The following NSMAF variants were observed in gnomAD, a reference collection of about 807,000 sequenced individuals.
NSMAF encodes the protein protein FAN.
NSMAF carries 90 observed loss-of-function variants against 134.9 expected under a neutral mutation model. That is an observed-to-expected ratio of 0.67 (90% confidence interval 0.56 to 0.79). The LOEUF (loss-of-function observed/expected upper bound fraction) is 0.79, where lower values mean the gene tolerates loss of function less well. Among genes scored for constraint, NSMAF ranks in the 30% least tolerant of loss-of-function variants. The pLI, the probability that NSMAF is intolerant of heterozygous loss-of-function variation, is 0.00. For synonymous variants in NSMAF, 358 were observed against 389.6 expected, an observed-to-expected ratio of 0.92 and a Z score of 0.96; for missense variants, 1,010 against 1,119.0, an observed-to-expected ratio of 0.90 and a Z score of 1.39.
chr8:58,622,239 A>C (rs755649927), intron 9 of NSMAF, among the ~76,000 whole-genome samples: 1 of 152,008 alleles, frequency 6.6e-6, no homozygotes, highest in Non-Finnish European at 1.5e-5. Flanking sequence ...GACATTTTAA[A>C]ATTTATTATT....
In NSMAF at chr8:58,601,491, A is replaced by ACTCC. The variant is rs1468109532; in HGVS notation, c.1166_1169dup (p.Ser390ArgfsTer16). ...GTACATAACCCGGGGAAGAGTAGTG[A>ACTCC]CTCCCATACATGAACTTTGGTTCAG... On this transcript the variant is annotated frameshift_variant, in exon 15 of 31. Coordinates refer to ENST00000038176, the MANE Select transcript of NSMAF (RefSeq NM_003580.4). LOFTEE classifies it high-confidence loss of function. The ACTCC allele has an allele frequency of 1.1e-5, 17 of 1,611,058 alleles. No homozygotes were observed. Among genetic ancestry groups the ACTCC allele is most frequent in the Non-Finnish European group, 1.4e-5 (17 of 1,179,258 alleles).
At chr8:58,648,326 G>A (rs753523130) in intron 1 of NSMAF, among the ~76,000 whole-genome samples, 9 of 152,156 alleles carry the variant, frequency 5.9e-5, no homozygotes, top group Non-Finnish European at 1.3e-4. Flanking sequence ...ACTTAAAGTT[G>A]GAACTTACAC....
chr8:58,619,829 C>T (rs1394917656), intron 9 of NSMAF, among the ~76,000 whole-genome samples: 1 of 152,044 alleles, frequency 6.6e-6, no homozygotes, highest in Non-Finnish European at 1.5e-5. Flanking sequence ...ATCAAAATCC[C>T]AGCACAATTG....
intron 1 of NSMAF, among the ~76,000 whole-genome samples, chr8:58,655,238 C>A (rs1230636731): frequency 2.0e-5 from 3 of 152,126 alleles, no homozygotes; most frequent in African/African-American, 7.2e-5. Flanking sequence ...TCCCAAAGGG[C>A]TGGGATTACA....
chr8:58,653,093 C>G (rs16923635), intron 1 of NSMAF, among the ~76,000 whole-genome samples: 9,425 of 152,138 alleles, frequency 0.062, 896 homozygotes, highest in African/African-American at 0.2. Context: ...GGGGGCACAG[C>G]AGTTAAGTGT....
chr8:58,604,668 T>C (rs528738646), intron 12 of NSMAF, among the ~76,000 whole-genome samples: 11 of 152,112 alleles, frequency 7.2e-5, no homozygotes, highest in Non-Finnish European at 1.5e-4. Context: ...TTACTACAAA[T>C]TTCACAAATA....
At chr8:58,607,046 A>G (rs568135503) in intron 11 of NSMAF, among the ~76,000 whole-genome samples, 4 of 152,358 alleles carry the variant, frequency 2.6e-5, no homozygotes, top group Admixed American at 2.0e-4. Context: ...AATAGGAAGC[A>G]AAACAGTAGA....
intron 1 of NSMAF, among the ~76,000 whole-genome samples, chr8:58,658,876 T>G (rs1267105698): frequency 1.3e-5 from 2 of 152,176 alleles, no homozygotes; most frequent in African/African-American, 2.4e-5. Flanking sequence ...GAATGAGTGC[T>G]CCGCTGCCGC....
rs376981815 is a variant in NSMAF at position 58,652,136 on chromosome 8, G to A, written c.59+7437C>T. Among the ~76,000 whole-genome samples, 115 of 152,084 alleles carry A rather than the reference G, an allele frequency of 7.6e-4. 8 individuals carry two copies. In the South Asian group the frequency reaches 0.022, roughly 29 times the overall value. ...AAATTTTCCAAAACTTTTAGCTTTAGGAAGCTCAAGCAGGATAGATGAAGA... is the reference window on the plus strand; with the variant it reads ...AAATTTTCCAAAACTTTTAGCTTTAAGAAGCTCAAGCAGGATAGATGAAGA... On this transcript the variant is annotated intron_variant, in intron 1 of 30. Transcript: ENST00000038176.
intron 20 of NSMAF, 123 bp from the exon 21 acceptor site, chr8:58,597,673 C>T: frequency 9.8e-7 from 1 of 1,020,306 alleles, no homozygotes; most frequent in Non-Finnish European, 1.5e-6. Context: ...CAACTATGTA[C>T]CAGGATTGTC....
At position 58,629,872 on chromosome 8, in the gene NSMAF, T is replaced by C. The variant is rs553839359; in HGVS notation, c.384+1624A>G. Among the ~76,000 whole-genome samples the C allele has an allele frequency of 3.9e-5, 6 of 152,262 alleles. No individual in the cohort carries two copies. The South Asian group carries it at 1.2e-3, about 32-fold the overall frequency. ...GTCTAGATGTCTGCTGTACCACAGGTCCTTTGAAGCAGTAGCGTGCTACCC... is the reference window on the plus strand; with the variant it reads ...GTCTAGATGTCTGCTGTACCACAGGCCCTTTGAAGCAGTAGCGTGCTACCC... On this transcript the variant is annotated intron_variant, in intron 6 of 30. Coordinates refer to ENST00000038176, the MANE Select transcript of NSMAF (RefSeq NM_003580.4).
At chr8:58,611,095 T>TA (rs1171585659) in intron 9 of NSMAF, among the ~76,000 whole-genome samples, 2 of 151,994 alleles carry the variant, frequency 1.3e-5, no homozygotes, top group Admixed American at 6.6e-5. Flanking sequence ...AACTGCTCAA[T>TA]AAAAAAATTA....
rs1159852228 is a variant in NSMAF, at chr8:58,594,242, T to C, written c.1941A>G (p.Thr647=). ...TVSRNGSSVF[T]TSQDSTLKMF... is the part of the protein sequence containing the mutation. Reference sequence around the variant, plus strand: ...GGGAGGAACACTGACCTTGGGATGTTGTGAATACTGAAGATCCATTGCGAG... The same window carrying C: ...GGGAGGAACACTGACCTTGGGATGTCGTGAATACTGAAGATCCATTGCGAG... Residue 647 remains threonine, a synonymous_variant, in exon 23 of 31, where the codon ACA becomes ACG. Coordinates refer to ENST00000038176, the MANE Select transcript of NSMAF (RefSeq NM_003580.4). 1 of 1,614,048 alleles carries C rather than the reference T, an allele frequency of 6.2e-7. No individual in the cohort carries two copies. The highest frequency in any genetic ancestry group is 8.5e-7 in the Non-Finnish European group (1 of 1,180,006).
chr8:58,610,834 A>G (rs1183828204), intron 9 of NSMAF, among the ~76,000 whole-genome samples: 1 of 152,200 alleles, frequency 6.6e-6, no homozygotes, highest in East Asian at 1.9e-4. Context: ...GCACAAAGAT[A>G]TCTCTAGAAT....
chr8:58,607,188 T>A (rs1249325040), intron 11 of NSMAF, among the ~76,000 whole-genome samples: 1 of 152,232 alleles, frequency 6.6e-6, no homozygotes, highest in Non-Finnish European at 1.5e-5. Flanking sequence ...ACACTTGGAA[T>A]CATACCTTCT....
chr8:58,585,597 G>T, intron 30 of NSMAF, 55 bp downstream of exon 30: 1 of 1,284,124 alleles, frequency 7.8e-7, no homozygotes, highest in Non-Finnish European at 1.1e-6. Context: ...GAAAAGGCAG[G>T]CTTGAGTTCA....
rs142243518 is a variant in NSMAF, at chr8:58,651,537, C to A, written c.59+8036G>T. ...CACTGACACCATCCATAAAGCCAGT[C>A]AATTCTATTTTCAAGTCCCAGCAAT... is the stretch of plus-strand genomic sequence containing the variant. On this transcript the variant is annotated intron_variant, in intron 1 of 30. Coordinates refer to ENST00000038176, the MANE Select transcript of NSMAF (RefSeq NM_003580.4). Among the ~76,000 whole-genome samples, 850 of 152,292 alleles carry A rather than the reference C, an allele frequency of 5.6e-3. 7 individuals are homozygous for A. Among genetic ancestry groups the A allele is most frequent in the African/African-American group, 0.019 (794 of 41,562 alleles).
intron 2 of NSMAF, 75 bp downstream of exon 2, chr8:58,642,909 G>T: frequency 9.2e-7 from 1 of 1,085,692 alleles, no homozygotes; most frequent in Non-Finnish European, 1.4e-6. Flanking sequence ...ACACCTATAT[G>T]ATCACACATT....
intron 13 of NSMAF, 101 bp from the exon 14 acceptor site, chr8:58,602,238 A>T: frequency 2.4e-6 from 2 of 830,342 alleles, no homozygotes; most frequent in Non-Finnish European, 3.8e-6. Context: ...AAGTTTTTTT[A>T]AAAATTGAGA....
Sources: gnomAD v4.1 joint callset for allele counts (sites outside exome capture counted in the v4.1 genomes callset) on GRCh38, gnomAD v4.1.1 for gene constraint, MANE v1.5 for transcripts, NCBI Gene and HGNC (gene_info 2026-07-23, HGNC 2026-07-21) for gene names.